Variants in DPF3 observed in about 807,000 individuals in gnomAD.
The protein encoded by DPF3 is double PHD fingers 3.
A neutral mutation model predicts 56.8 loss-of-function variants in DPF3; 18 were observed. The ratio of observed to expected loss-of-function variants is 0.32; its 90% CI spans 0.22 to 0.47. DPF3 has a LOEUF of 0.47. DPF3 is among the 20% of genes least tolerant of loss of function. The pLI, the probability that DPF3 is intolerant of heterozygous loss-of-function variation, is 1.00. For missense variants in DPF3, 403 were observed against 488.8 expected (o/e 0.82, Z 1.65); for synonymous variants, 188 against 180.2 (o/e 1.04, Z -0.35).
chr14:72,653,902 G>A (rs1885991074), intron 8 of DPF3, among the ~76,000 whole-genome samples: 1 of 152,304 alleles, frequency 6.6e-6, no homozygotes. Context: ...AGGAGAAACT[G>A]GGGTTCTGTT....
chr14:72,820,641 T>C (rs1883490310), intron 1 of DPF3, among the ~76,000 whole-genome samples: 1 of 152,184 alleles, frequency 6.6e-6, no homozygotes, highest in South Asian at 2.1e-4. Flanking sequence ...TTTGACCCAC[T>C]TCTAGAAACC....
chr14:72,767,346 A>T (rs1486468349), intron 2 of DPF3, among the ~76,000 whole-genome samples: 1 of 152,260 alleles, frequency 6.6e-6, no homozygotes, highest in Non-Finnish European at 1.5e-5. Context: ...AAATGTTAGA[A>T]TTATCTGACA....
chr14:72,739,034 G>A (rs891947309), intron 3 of DPF3, among the ~76,000 whole-genome samples: 1 of 152,108 alleles, frequency 6.6e-6, no homozygotes, highest in Non-Finnish European at 1.5e-5. Context: ...GAGGTCAGGA[G>A]TTTGAGACCA....
At chr14:72,830,049 G>C (rs1428698079) in intron 1 of DPF3, among the ~76,000 whole-genome samples, 1 of 152,160 alleles carries the variant, frequency 6.6e-6, no homozygotes, top group Non-Finnish European at 1.5e-5. Flanking sequence ...CCCAGCCACA[G>C]TCCAAGATAT....
intron 1 of DPF3, among the ~76,000 whole-genome samples, chr14:72,886,440 T>C (rs957357700): frequency 6.6e-6 from 1 of 152,134 alleles, no homozygotes; most frequent in Non-Finnish European, 1.5e-5. Context: ...GGAGGATCCC[T>C]TGGGGCCATG....
intron 1 of DPF3, among the ~76,000 whole-genome samples, chr14:72,784,655 T>G (rs1315912019): frequency 1.3e-5 from 2 of 152,126 alleles, no homozygotes; most frequent in African/African-American, 4.8e-5. Flanking sequence ...AGCCTAAGTC[T>G]CCAATTCAAA....
chr14:72,859,307 A>G (rs574474746), intron 1 of DPF3, among the ~76,000 whole-genome samples: 1 of 152,226 alleles, frequency 6.6e-6, no homozygotes, highest in East Asian at 1.9e-4. Flanking sequence ...TATACAGTAA[A>G]AAAGGAACTC....
chr14:72,703,593 C>T (rs796149968), intron 6 of DPF3, among the ~76,000 whole-genome samples: 22 of 152,322 alleles, frequency 1.4e-4, no homozygotes, highest in African/African-American at 5.3e-4. Flanking sequence ...TAACAGAATG[C>T]AGGTGAACTC....
In DPF3 at chr14:72,611,887, T is replaced by A. The variant is rs527598873; in HGVS notation, c.*7410A>T. Among the ~76,000 whole-genome samples, 42 of 152,176 alleles carry A rather than the reference T, an allele frequency of 2.8e-4. No homozygotes were observed. Among genetic ancestry groups the A allele is most frequent in the African/African-American group, 8.7e-4 (36 of 41,514 alleles). ...CATCCTCAACAGAGAAACCTACATA[T>A]ACTTACACCTTCCGTGATGGCGCGA... On this transcript the variant is annotated 3_prime_UTR_variant, in exon 11 of 11. Coordinates refer to ENST00000556509, the MANE Select transcript of DPF3 (RefSeq NM_001280542.3).
intron 3 of DPF3, among the ~76,000 whole-genome samples, chr14:72,745,631 C>G (rs1890294619): frequency 6.6e-6 from 1 of 151,962 alleles, no homozygotes; most frequent in Admixed American, 6.6e-5. Context: ...AAAAAAGAGC[C>G]TCTCCCTCCA....
intron 1 of DPF3, among the ~76,000 whole-genome samples, chr14:72,893,323 A>G (rs1416431519): frequency 2.0e-5 from 3 of 152,044 alleles, no homozygotes; most frequent in Non-Finnish European, 4.4e-5. Flanking sequence ...AGTTAACCCG[A>G]GTCGTTAATC....
intron 1 of DPF3, among the ~76,000 whole-genome samples, chr14:72,888,894 C>T (rs558980366): frequency 4.6e-5 from 7 of 152,310 alleles, no homozygotes; most frequent in African/African-American, 1.7e-4. Context: ...CTTTATGACC[C>T]AGCCCCCATC....
At chr14:72,727,552 G>A (rs1026545710) in intron 4 of DPF3, among the ~76,000 whole-genome samples, 2 of 151,206 alleles carry the variant, frequency 1.3e-5, no homozygotes, top group African/African-American at 4.9e-5. Flanking sequence ...CTCCAGCCTG[G>A]GTGACGAGGC....
At chr14:72,851,473 G>C (rs2140084396) in intron 1 of DPF3, among the ~76,000 whole-genome samples, 1 of 152,212 alleles carries the variant, frequency 6.6e-6, no homozygotes, top group East Asian at 1.9e-4. Context: ...CTCTAACAAA[G>C]AATTCATTGA....
intron 1 of DPF3, among the ~76,000 whole-genome samples, chr14:72,777,162 G>A (rs764456279): frequency 6.6e-6 from 1 of 152,098 alleles, no homozygotes; most frequent in African/African-American, 2.4e-5. Context: ...TCCTCACTGT[G>A]GGCACCAAGT....
chr14:72,841,859 G>A (rs10146417), intron 1 of DPF3, among the ~76,000 whole-genome samples: 88,139 of 151,854 alleles, frequency 0.58, 26,460 homozygotes, highest in East Asian at 0.88. Context: ...AAGATAGGAT[G>A]ACTGCTTGAG....
At chr14:72,650,182 G>C (rs990318104) in intron 8 of DPF3, among the ~76,000 whole-genome samples, 26 of 152,168 alleles carry the variant, frequency 1.7e-4, no homozygotes, top group Non-Finnish European at 2.8e-4. Context: ...GATGAGGGGG[G>C]ACTGCTCATT....
At chr14:72,702,361 T>A (rs1262587991) in intron 6 of DPF3, among the ~76,000 whole-genome samples, 1 of 152,032 alleles carries the variant, frequency 6.6e-6, no homozygotes, top group Non-Finnish European at 1.5e-5. Flanking sequence ...CCTCCAAGAC[T>A]CCAGTCCTGC....
rs1326708849 is a variant in DPF3, at chr14:72,612,840, C to T, written c.*6457G>A. On this transcript the variant is annotated 3_prime_UTR_variant, in exon 11 of 11. Coordinates refer to ENST00000556509, the MANE Select transcript of DPF3 (RefSeq NM_001280542.3). Reference sequence around the variant, plus strand: ...CCAGTAGCTTTCCAAGCACAAGGCTCCCTTTGCAACCCTGGTGGCTGTGCA... The same window carrying T: ...CCAGTAGCTTTCCAAGCACAAGGCTTCCTTTGCAACCCTGGTGGCTGTGCA... Among the ~76,000 whole-genome samples the T allele has an allele frequency of 1.3e-5, 2 of 152,204 alleles. No homozygotes were observed. Among genetic ancestry groups the T allele is most frequent in the Non-Finnish European group, 2.9e-5 (2 of 68,030 alleles).
Sources: gnomAD v4.1 joint callset for allele counts (sites outside exome capture counted in the v4.1 genomes callset) on GRCh38, gnomAD v4.1.1 for gene constraint, MANE v1.5 for transcripts, NCBI Gene and HGNC (gene_info 2026-07-23, HGNC 2026-07-21) for gene names.